The following SLC25A21 variants were observed in gnomAD, a reference collection of about 807,000 sequenced individuals.
SLC25A21 encodes solute carrier family 25 member 21, also known as mitochondrial 2-oxodicarboxylate carrier.
In SLC25A21, 47 loss-of-function variants were observed where a neutral mutation model predicts 43.8. That is an observed-to-expected ratio of 1.07 (90% CI 0.85 to 1.37). The LOEUF is 1.37. Ranked by LOEUF, SLC25A21 falls within the 40% of genes most tolerant of loss-of-function variation. The pLI is 0.00. For missense variants in SLC25A21, 352 were observed against 350.2 expected, an observed-to-expected ratio of 1.00 and a Z score of -0.04; for synonymous variants, 131 against 121.3, an observed-to-expected ratio of 1.08 and a Z score of -0.52.
At chr14:36,775,929 T>C (rs956257603) in intron 3 of SLC25A21, among the ~76,000 whole-genome samples, 1 of 152,164 alleles carries the variant, frequency 6.6e-6, no homozygotes, top group Non-Finnish European at 1.5e-5. Context: ...TCCCAAGGCC[T>C]GGACATTGGA....
At chr14:36,780,671 A>G (rs2764956) in intron 3 of SLC25A21, among the ~76,000 whole-genome samples, 94,933 of 151,882 alleles carry the variant, frequency 0.63, 30,266 homozygotes, top group East Asian at 0.89. Context: ...GTTTCATACC[A>G]CTGTGGTTGG....
chr14:37,101,959 A>C (rs769432592), intron 1 of SLC25A21, among the ~76,000 whole-genome samples: 17 of 152,208 alleles, frequency 1.1e-4, no homozygotes, highest in Non-Finnish European at 2.2e-4. Context: ...CATCTGTAAG[A>C]TGAAGAAAAT....
At chr14:36,770,084 G>A (rs1594571850) in intron 3 of SLC25A21, among the ~76,000 whole-genome samples, 2 of 152,078 alleles carry the variant, frequency 1.3e-5, no homozygotes, top group Admixed American at 6.6e-5. Context: ...AGCCTTGCTC[G>A]CACTATTCAC....
At chr14:37,132,180 C>CA (rs1311416638) in intron 1 of SLC25A21, among the ~76,000 whole-genome samples, 7 of 152,148 alleles carry the variant, frequency 4.6e-5, no homozygotes, top group Non-Finnish European at 8.8e-5. Context: ...CACTCTCACG[C>CA]AAATGCCATT....
chr14:36,780,223 T>C (rs1051010144), intron 3 of SLC25A21, among the ~76,000 whole-genome samples: 4 of 151,852 alleles, frequency 2.6e-5, no homozygotes, highest in Non-Finnish European at 4.4e-5. Flanking sequence ...GAGTCATCTC[T>C]TATTTTTCTT....
intron 1 of SLC25A21, among the ~76,000 whole-genome samples, chr14:36,891,986 GCCA>G (rs1891085276): frequency 6.6e-6 from 1 of 152,124 alleles, no homozygotes; most frequent in Non-Finnish European, 1.5e-5. Context: ...TGTTCCTTAA[GCCA>G]CTATATTGTT....
intron 1 of SLC25A21, among the ~76,000 whole-genome samples, chr14:36,939,820 C>A (rs1262793682): frequency 6.6e-6 from 1 of 152,026 alleles, no homozygotes; most frequent in African/African-American, 2.4e-5. Context: ...ACCACTTGAG[C>A]AAAATCAAAA....
At chr14:36,761,628 T>G (rs894482330) in intron 3 of SLC25A21, among the ~76,000 whole-genome samples, 3 of 152,242 alleles carry the variant, frequency 2.0e-5, no homozygotes, top group African/African-American at 4.8e-5. Flanking sequence ...TGTGAATTAT[T>G]ACACTGGTCT....
intron 1 of SLC25A21, among the ~76,000 whole-genome samples, chr14:37,075,891 T>A (rs1962270355): frequency 6.6e-6 from 1 of 152,200 alleles, no homozygotes; most frequent in Admixed American, 6.5e-5. Context: ...CCTGAAAATA[T>A]CCTCCACAGG....
chr14:36,949,226 T>C (rs1820757932), intron 1 of SLC25A21, among the ~76,000 whole-genome samples: 1 of 152,228 alleles, frequency 6.6e-6, no homozygotes, highest in Admixed American at 6.5e-5. Flanking sequence ...TTCTCATCTT[T>C]GGAAATGTAA....
In SLC25A21 at chr14:37,150,576, A is replaced by C. The variant is rs149891883; in HGVS notation, c.70+21705T>G. ...AAGATGCTTTGCAATAGTGGAATGTAATCAGAAGTTAACACACTTCTAGAT... is the reference window on the plus strand; with the variant it reads ...AAGATGCTTTGCAATAGTGGAATGTCATCAGAAGTTAACACACTTCTAGAT... On this transcript the variant is annotated intron_variant, in intron 1 of 9. Transcript: ENST00000331299. Among the ~76,000 whole-genome samples the C allele has an allele frequency of 1.9e-3, 297 of 152,332 alleles. 1 individual carries two copies. Among genetic ancestry groups the C allele is most frequent in the African/African-American group, 6.7e-3 (279 of 41,580 alleles).
At chr14:36,809,268 G>T (rs1888150383) in intron 3 of SLC25A21, among the ~76,000 whole-genome samples, 1 of 152,102 alleles carries the variant, frequency 6.6e-6, no homozygotes. Context: ...GATGATGAAG[G>T]TACTCTCAAC....
At chr14:37,149,917 T>G (rs1594818619) in intron 1 of SLC25A21, among the ~76,000 whole-genome samples, 1 of 152,274 alleles carries the variant, frequency 6.6e-6, no homozygotes, top group East Asian at 1.9e-4. Context: ...AAAGTTTGAT[T>G]ACAGAAGCAA....
intron 1 of SLC25A21, among the ~76,000 whole-genome samples, chr14:36,923,697 C>T (rs1892043681): frequency 6.6e-6 from 1 of 152,092 alleles, no homozygotes; most frequent in African/African-American, 2.4e-5. Context: ...CTTCCATATC[C>T]ATGGGTTCGC....
intron 1 of SLC25A21, among the ~76,000 whole-genome samples, chr14:37,037,182 A>G (rs1427537787): frequency 6.6e-6 from 1 of 152,182 alleles, no homozygotes; most frequent in East Asian, 1.9e-4. Flanking sequence ...AAATTTTCAC[A>G]CAATTTACTA....
At chr14:37,035,858 T>C (rs1464774573) in intron 1 of SLC25A21, among the ~76,000 whole-genome samples, 2 of 152,252 alleles carry the variant, frequency 1.3e-5, no homozygotes, top group African/African-American at 2.4e-5. Context: ...TTGCTGTTTA[T>C]GTACAGCAAT....
chr14:36,871,861 T>G (rs942530332), intron 2 of SLC25A21, among the ~76,000 whole-genome samples: 8 of 152,150 alleles, frequency 5.3e-5, no homozygotes, highest in Admixed American at 1.3e-4. Flanking sequence ...TTTAAAAAAT[T>G]TAGTATAGAA....
At chr14:36,971,687 C>T (rs1264628038) in intron 1 of SLC25A21, among the ~76,000 whole-genome samples, 1 of 152,076 alleles carries the variant, frequency 6.6e-6, no homozygotes, top group African/African-American at 2.4e-5. Flanking sequence ...ACTTTCCACT[C>T]CTTAACCCAC....
chr14:36,685,893 C>A (rs1158108230), intron 7 of SLC25A21, among the ~76,000 whole-genome samples: 1 of 152,152 alleles, frequency 6.6e-6, no homozygotes, highest in Non-Finnish European at 1.5e-5. Context: ...CTTCTGTTCT[C>A]TGAAGAGAGG....
Sources: gnomAD v4.1 joint callset for allele counts (sites outside exome capture counted in the v4.1 genomes callset) on GRCh38, gnomAD v4.1.1 for gene constraint, MANE v1.5 for transcripts, NCBI Gene and HGNC (gene_info 2026-07-23, HGNC 2026-07-21) for gene names.